The following SORCS1 variants were observed in gnomAD, a reference collection of about 807,000 sequenced individuals.
The protein encoded by SORCS1 is sortilin related VPS10 domain containing receptor 1, also known as VPS10 domain-containing receptor SorCS1.
SORCS1 carries 60 observed loss-of-function variants against 146.1 expected under a neutral mutation model. The ratio of observed to expected loss-of-function variants is 0.41; its 90% CI spans 0.33 to 0.51. The LOEUF (loss-of-function observed/expected upper bound fraction) is 0.51, where lower values mean the gene tolerates loss of function less well. Ranked by LOEUF, SORCS1 falls within the 20% of genes least tolerant of loss-of-function variation. The probability of loss-of-function intolerance (pLI) is 0.21; values close to 1 mark genes in which losing one functional copy is unlikely to be tolerated. For missense variants in SORCS1, 1,352 were observed against 1,487.6 expected, an observed-to-expected ratio of 0.91 and a Z score of 1.50; for synonymous variants, 637 against 584.0, an observed-to-expected ratio of 1.09 and a Z score of -1.31.
intron 21 of SORCS1, 93 bp downstream of exon 21, chr10:106,618,056 G>A (rs551142929): frequency 1.3e-6 from 2 of 1,532,424 alleles, no homozygotes; most frequent in South Asian, 2.5e-5. Context: ...CCAGGTAAAA[G>A]TCACAGCTGG....
intron 16 of SORCS1, 137 bp downstream of exon 16, chr10:106,671,100 T>C (rs1388810942): frequency 1.7e-6 from 2 of 1,157,340 alleles, no homozygotes; most frequent in East Asian, 2.5e-5. Context: ...TAGTAAACTA[T>C]GAGGTAATTT....
At chr10:106,580,935 C>T (rs1279018946) in intron 24 of SORCS1, among the ~76,000 whole-genome samples, 1 of 152,138 alleles carries the variant, frequency 6.6e-6, no homozygotes, top group Non-Finnish European at 1.5e-5. Context: ...TTTTCTCTCC[C>T]CTGTAAGTCA....
intron 4 of SORCS1, among the ~76,000 whole-genome samples, chr10:106,769,859 C>T (rs1012995403): frequency 3.3e-5 from 5 of 152,166 alleles, no homozygotes; most frequent in South Asian, 2.1e-4. Context: ...CTTTCAGAGG[C>T]CGAGGCGGAT....
chr10:106,857,301 C>G (rs1267344885), intron 2 of SORCS1, among the ~76,000 whole-genome samples: 1 of 152,170 alleles, frequency 6.6e-6, no homozygotes, highest in Non-Finnish European at 1.5e-5. Context: ...CCCAAAACCC[C>G]ACAGACGGAA....
chr10:106,873,004 C>T (rs947108138), intron 2 of SORCS1, among the ~76,000 whole-genome samples: 1 of 152,104 alleles, frequency 6.6e-6, no homozygotes, highest in African/African-American at 2.4e-5. Context: ...GAAACCCCAT[C>T]TCTACTAAAA....
At chr10:107,055,142 G>C (rs528179951) in intron 1 of SORCS1, among the ~76,000 whole-genome samples, 1 of 152,308 alleles carries the variant, frequency 6.6e-6, no homozygotes, top group Non-Finnish European at 1.5e-5. Context: ...AGAAGGAGGT[G>C]TCTGGGAGAA....
intron 2 of SORCS1, among the ~76,000 whole-genome samples, chr10:106,947,838 CA>C (rs946945206): frequency 2.4e-3 from 314 of 133,372 alleles, no homozygotes; most frequent in African/African-American, 4.3e-3. Context: ...AACTCCATCT[CA>C]AAAAAAAAAA....
At chr10:106,889,888 TAAAA>T (rs772421907) in intron 2 of SORCS1, among the ~76,000 whole-genome samples, 3 of 71,680 alleles carry the variant, frequency 4.2e-5, no homozygotes, top group East Asian at 4.3e-4. Flanking sequence ...ACGTCTCAAA[TAAAA>T]AAAAAAAAAA....
chr10:106,620,455 G>T lies in SORCS1; in HGVS notation c.2769C>A (p.Tyr923Ter). The change falls in exon 20 of 26, where the codon TAC becomes TAA. Residue 923 changes from tyrosine (Y) to a stop codon, truncating the protein, a stop_gained. Coordinates refer to ENST00000263054, the MANE Select transcript of SORCS1 (RefSeq NM_052918.5). LOFTEE classifies it high-confidence loss of function. ...LWPSQVGTLT[Y>*]VWWYGNNTEP... ...CCGTGTTGTTTCCGTACCACCACAC[G>T]TAAGTGAGGGTGCCCACTTGGCTGG... The T allele has an allele frequency of 2.5e-6, 4 of 1,613,582 alleles. No homozygotes were observed. The highest frequency in any genetic ancestry group is 3.4e-6 in the Non-Finnish European group (4 of 1,179,708).
At chr10:106,964,798 G>A (rs539424913) in intron 1 of SORCS1, among the ~76,000 whole-genome samples, 1 of 151,662 alleles carries the variant, frequency 6.6e-6, no homozygotes, top group Admixed American at 6.6e-5. Context: ...ATTTTTTTTA[G>A]ATATAGGGTC....
At chr10:107,174,265 G>A in the SORCS1 span, among the ~76,000 whole-genome samples, 1 of 152,148 alleles carries the variant, frequency 6.6e-6, no homozygotes, top group Non-Finnish European at 1.5e-5. Context: ...GAGTGCAGTG[G>A]CGCCATCTCG....
intron 5 of SORCS1, among the ~76,000 whole-genome samples, chr10:106,733,761 C>T (rs1856770400): frequency 6.6e-6 from 1 of 152,170 alleles, no homozygotes; most frequent in Admixed American, 6.5e-5. Context: ...GACTGATATT[C>T]AAGCATCTCT....
chr10:107,168,208 G>A (rs1447624216), upstream of SORCS1, among the ~76,000 whole-genome samples: 5 of 152,130 alleles, frequency 3.3e-5, no homozygotes, highest in East Asian at 9.7e-4. Flanking sequence ...TGCCTAGAAC[G>A]TCCACCGTCC....
At chr10:106,815,088 T>C (rs1369936337) in intron 3 of SORCS1, among the ~76,000 whole-genome samples, 3 of 151,768 alleles carry the variant, frequency 2.0e-5, no homozygotes, top group Non-Finnish European at 4.4e-5. Flanking sequence ...GCCTCCCGAG[T>C]AGCTGGGATA....
At chr10:107,013,652 C>A (rs537647174) in intron 1 of SORCS1, among the ~76,000 whole-genome samples, 1 of 152,100 alleles carries the variant, frequency 6.6e-6, no homozygotes, top group African/African-American at 2.4e-5. Context: ...GCATCCAGAA[C>A]CACCTCAGCT....
intron 1 of SORCS1, among the ~76,000 whole-genome samples, chr10:107,032,058 C>A (rs74944812): frequency 0.06 from 9,183 of 152,152 alleles, 744 homozygotes; most frequent in African/African-American, 0.18. Context: ...GCATTTGCAA[C>A]CTTTTGATAG....
At chr10:106,716,781 C>A (rs1855403961) in intron 6 of SORCS1, among the ~76,000 whole-genome samples, 1 of 152,172 alleles carries the variant, frequency 6.6e-6, no homozygotes, top group South Asian at 2.1e-4. Context: ...CCAGAGCAAC[C>A]TTTCCTCGGG....
At chr10:106,757,764 C>T (rs1403819094) in intron 5 of SORCS1, among the ~76,000 whole-genome samples, 6 of 152,186 alleles carry the variant, frequency 3.9e-5, no homozygotes, top group African/African-American at 7.2e-5. Context: ...CAGCCAAGAA[C>T]GTAAGGCTAA....
intron 25 of SORCS1, chr10:106,579,107 C>T: frequency 1.9e-6 from 3 of 1,613,986 alleles, no homozygotes; most frequent in Non-Finnish European, 2.5e-6. Context: ...GCTGGGATTC[C>T]ACCTTCTCAT....
Sources: allele counts gnomAD v4.1 joint callset (sites outside exome capture counted in the v4.1 genomes callset), GRCh38; gene constraint gnomAD v4.1.1; transcripts MANE v1.5; gene names NCBI Gene and HGNC (gene_info 2026-07-23, HGNC 2026-07-21).